The following C3 variants were observed in gnomAD, a reference collection of about 807,000 sequenced individuals.
C3 encodes the protein C3 and PZP-like alpha-2-macroglobulin domain-containing protein 1.
A neutral mutation model predicts 207.9 loss-of-function variants in C3; 97 were observed. That is an observed-to-expected ratio of 0.47 (90% CI 0.40 to 0.55). The LOEUF is 0.55. Among genes scored for constraint, C3 ranks in the 20% least tolerant of loss-of-function variants. C3 has a pLI of 0.00. For missense variants in C3, 1,684 were observed against 2,171.7 expected, an observed-to-expected ratio of 0.78 and a Z score of 4.46; for synonymous variants, 848 against 857.6, an observed-to-expected ratio of 0.99 and a Z score of 0.20.
chr19:6,696,966 C>T (rs567664598), intron 21 of C3, among the ~76,000 whole-genome samples: 41 of 150,646 alleles, frequency 2.7e-4, no homozygotes, highest in Admixed American at 6.0e-4. Context: ...GGCGTGAACC[C>T]GGGAGGCGGA....
At chr19:6,695,600 C>CTCCCGAGTGGCTGGGA (rs1407269948) in intron 23 of C3, among the ~76,000 whole-genome samples, 8 of 152,070 alleles carry the variant, frequency 5.3e-5, no homozygotes, top group African/African-American at 1.9e-4. Context: ...CTGCTTCAGC[C>CTCCCGAGTGGCTGGGA]TCCCGAGTGG....
chr19:6,713,054 C>G (rs1967952551), intron 9 of C3, 135 bp downstream of exon 9: 1 of 1,065,166 alleles, frequency 9.4e-7, no homozygotes, highest in African/African-American at 1.5e-5. Context: ...TCAGACTGGG[C>G]CTACCCCATC....
intron 4 of C3, chr19:6,717,702 G>A (rs549613791): frequency 7.1e-5 from 26 of 364,012 alleles, no homozygotes; most frequent in Admixed American, 1.6e-4. Flanking sequence ...TGTGTATTGC[G>A]TGGTTGTGTA....
At position 6,719,311 on chromosome 19, in the gene C3, G is replaced by A. The variant is rs1420958063; in HGVS notation, c.167C>T (p.Thr56Ile). The A allele has an allele frequency of 7.4e-6, 12 of 1,614,044 alleles. No individual in the cohort carries two copies. The highest frequency in any genetic ancestry group is 1.0e-5 in the Non-Finnish European group (12 of 1,179,966). Reference sequence around the variant, plus strand: ...GCCTGGGAAGTCGTGGACAGTAACAGTGACTGGAACATCCCCTTGCGCGTC... The same window carrying A: ...GCCTGGGAAGTCGTGGACAGTAACAATGACTGGAACATCCCCTTGCGCGTC... ...AHDAQGDVPV[T>I]VTVHDFPGKK... Residue 56 changes from threonine to isoleucine, a missense_variant, in exon 2 of 41, where the codon ACT becomes ATT. Transcript: ENST00000245907. The surrounding 1 kb of genome is among the most constrained non-coding windows in gnomAD (Gnocchi z 5.4).
chr19:6,706,977 G>GCCCCCCC, intron 17 of C3, 99 bp downstream of exon 17: 16 of 442,672 alleles, frequency 3.6e-5, no homozygotes, highest in South Asian at 1.6e-4. Context: ...GCCTCCTCCA[G>GCCCCCCC]CCCCACCCCC....
chr19:6,685,674 G>A (rs1012647064), intron 29 of C3, among the ~76,000 whole-genome samples: 4 of 152,202 alleles, frequency 2.6e-5, no homozygotes, highest in Non-Finnish European at 5.9e-5. Context: ...TGGCCTAGAA[G>A]AGGGTTTGCG....
intron 17 of C3, among the ~76,000 whole-genome samples, chr19:6,703,473 AG>A (rs1322089301): frequency 6.6e-6 from 1 of 152,066 alleles, no homozygotes; most frequent in Admixed American, 6.6e-5. Flanking sequence ...CAGGCTTGGC[AG>A]CGGGCACCTG....
At position 6,712,115 on chromosome 19, in the gene C3, G is replaced by A. The variant is rs1194011091; in HGVS notation, c.1269+142C>T. The stretch of plus-strand genomic sequence containing the variant: ...AGATGAGAGTATCTCTATGCAAATG[G>A]CAGGACCCCTCTGCGCAGGAGAGAA... On this transcript the variant is annotated intron_variant, in intron 11 of 40. Coordinates refer to ENST00000245907, the MANE Select transcript of C3 (RefSeq NM_000064.4). 8 of 1,052,098 alleles carry A rather than the reference G, an allele frequency of 7.6e-6. No individual in the cohort carries two copies. In the Admixed American group the frequency reaches 1.6e-4, roughly 21 times the overall value. The allele number at this position is 1,052,098 out of a possible 1,614,324, so 65.2% of individuals were successfully genotyped here. A position where few individuals can be genotyped will look rare whatever the true frequency, so the allele number is the denominator to read the frequency against.
chr19:6,697,878 T>C, intron 19 of C3, 84 bp from the exon 20 acceptor site: 2 of 1,377,208 alleles, frequency 1.5e-6, no homozygotes, highest in Non-Finnish European at 2.0e-6. Context: ...CTTAGTCCAC[T>C]CCGCAGGAGC....
At position 6,709,696 on chromosome 19, in the gene C3, C is replaced by T. The variant is rs376714728; in HGVS notation, c.1833G>A (p.Leu611=). 14 of 1,608,056 alleles carry T rather than the reference C, an allele frequency of 8.7e-6. No individual in the cohort carries two copies. Among genetic ancestry groups the T allele is most frequent in the African/African-American group, 8.0e-5 (6 of 74,550 alleles). ...CACTGGCCCTTACCTTACTCTGCGTCAGTTTGTTCTTCTTATTCAGCACGA... is the reference window on the plus strand; with the variant it reads ...CACTGGCCCTTACCTTACTCTGCGTTAGTTTGTTCTTCTTATTCAGCACGA... ...GVFVLNKKNK[L]TQSKIWDVVE... Residue 611 remains leucine (L), a synonymous_variant, in exon 14 of 41, where the codon CTG becomes CTA. Transcript: ENST00000245907.
intron 19 of C3, among the ~76,000 whole-genome samples, chr19:6,699,105 C>T (rs1390254472): frequency 6.6e-6 from 1 of 152,026 alleles, no homozygotes; most frequent in Non-Finnish European, 1.5e-5. Context: ...CTGAGTTGTA[C>T]ATTTTAAAAG....
chr19:6,684,905 C>T (rs1430368281), intron 30 of C3, 71 bp from the exon 31 acceptor site: 3 of 1,607,928 alleles, frequency 1.9e-6, no homozygotes, highest in South Asian at 1.1e-5. Flanking sequence ...GGTCACCTGG[C>T]CCTCCCTCTT....
chr19:6,698,982 G>A lies in C3; in HGVS notation c.2441-1188C>T, dbSNP rs11569468. Among the ~76,000 whole-genome samples, 877 of 151,852 alleles carry A rather than the reference G, an allele frequency of 5.8e-3. 9 individuals carry two copies. Among genetic ancestry groups the A allele is most frequent in the African/African-American group, 0.02 (843 of 41,414 alleles). ...GCTAATTTTTTGTATTTTTAGTAGA[G>A]ACAGGGTTTCACCATGTTGGCCAGG... On this transcript the variant is annotated intron_variant, in intron 19 of 40. Coordinates refer to ENST00000245907, the MANE Select transcript of C3 (RefSeq NM_000064.4).
At chr19:6,709,579 G>T in intron 14 of C3, 105 bp downstream of exon 14, 2 of 1,268,748 alleles carry the variant, frequency 1.6e-6, no homozygotes, top group Non-Finnish European at 2.3e-6. Flanking sequence ...TCTGCTTTCA[G>T]CGCATGCCCC....
At chr19:6,698,758 T>A (rs1967591743) in intron 19 of C3, among the ~76,000 whole-genome samples, 3 of 152,138 alleles carry the variant, frequency 2.0e-5, no homozygotes, top group Admixed American at 2.0e-4. Flanking sequence ...TCATTTTAAA[T>A]ATATGAAACA....
intron 40 of C3, 56 bp downstream of exon 40, chr19:6,678,096 C>G: frequency 6.2e-7 from 1 of 1,613,832 alleles, no homozygotes; most frequent in South Asian, 1.1e-5. Flanking sequence ...ATGGTGTGGG[C>G]GTGGCATGGG....
At chr19:6,678,726 G>A (rs1917784494) in intron 38 of C3, among the ~76,000 whole-genome samples, 1 of 152,072 alleles carries the variant, frequency 6.6e-6, no homozygotes, top group South Asian at 2.1e-4. Flanking sequence ...TGCAATGAGA[G>A]TGACTCATAT....
chr19:6,692,924 A>C lies in C3; in HGVS notation c.3390T>G (p.Ile1130Met). 6.2e-7 allele frequency: 1 copy of C among 1,613,684 alleles called. No homozygotes were observed. The highest frequency in any genetic ancestry group is 8.5e-7 in the Non-Finnish European group (1 of 1,179,946). The stretch of plus-strand genomic sequence containing the variant: ...TTTGCCCTAAATCCCAGCCTCTTAC[A>C]ATCATTTCTTGGTGTATCACGGGCG... ...EDAPVIHQEM[I>M]GGLRNNNEKD... The change falls in exon 26 of 41, where the codon ATT (isoleucine) becomes ATG (methionine). Residue 1130 changes from isoleucine (I) to methionine (M), a missense_variant and splice_region_variant. Ile to Met is a conservative substitution (Grantham distance 10). Coordinates refer to ENST00000245907, the MANE Select transcript of C3 (RefSeq NM_000064.4).
At position 6,707,520 on chromosome 19, in the gene C3, GCTGCGGGCACTGAAGTT is replaced by G; in HGVS notation, c.1976_1992del (p.Glu659AlafsTer86). 1 of 1,614,090 alleles carries G rather than the reference GCTGCGGGCACTGAAGTT, an allele frequency of 6.2e-7. No homozygotes were observed. Among genetic ancestry groups the G allele is most frequent in the Non-Finnish European group, 8.5e-7 (1 of 1,179,978 alleles). ...ACGGAACGGCGTCGGCGGGCGGCTG[GCTGCGGGCACTGAAGTT>G]CTGCAGGGCAGGCGGACCGAGAAGA... On this transcript the variant is annotated frameshift_variant and splice_region_variant, in exon 16 of 41. Coordinates refer to ENST00000245907, the MANE Select transcript of C3 (RefSeq NM_000064.4). LOFTEE classifies it high-confidence loss of function.
Sources: gnomAD v4.1 joint callset for allele counts (sites outside exome capture counted in the v4.1 genomes callset) on GRCh38, gnomAD v4.1.1 for gene constraint, Gnocchi (gnomAD v3.1) non-coding constraint, MANE v1.5 for transcripts, NCBI Gene and HGNC (gene_info 2026-07-23, HGNC 2026-07-21) for gene names.